NR2C2: variants seen among roughly 807,000 people sequenced by gnomAD.
NR2C2 encodes nuclear receptor subfamily 2 group C member 2.
Under a neutral mutation model 62.9 loss-of-function variants are expected in NR2C2, and 6 were observed. The observed-to-expected ratio is 0.10, with a 90% CI of 0.05 to 0.19. The LOEUF is 0.19. Ranked by LOEUF, NR2C2 falls within the 10% of genes least tolerant of loss-of-function variation. NR2C2 has a pLI of 1.00. For missense variants in NR2C2, 479 were observed against 762.7 expected (o/e 0.63, Z 4.38); for synonymous variants, 272 against 273.8 (o/e 0.99, Z 0.07).
At chr3:14,984,917 A>G (rs757696082) in intron 1 of NR2C2, among the ~76,000 whole-genome samples, 4 of 151,958 alleles carry the variant, frequency 2.6e-5, no homozygotes, top group Admixed American at 6.6e-5. Context: ...GGAGAGTTCT[A>G]GTTGCCCTAC....
At chr3:14,993,860 T>A (rs1198194847) in intron 1 of NR2C2, among the ~76,000 whole-genome samples, 1 of 152,176 alleles carries the variant, frequency 6.6e-6, no homozygotes, top group Non-Finnish European at 1.5e-5. Context: ...TGCAGATGTA[T>A]CCCTGAACAG....
chr3:14,953,881 C>T (rs533753651), intron 1 of NR2C2, among the ~76,000 whole-genome samples: 4 of 139,144 alleles, frequency 2.9e-5, no homozygotes, highest in African/African-American at 5.7e-5. Context: ...GGCGACAGTG[C>T]GAGACTTCAT....
chr3:14,970,327 G>A (rs556584899), intron 1 of NR2C2, among the ~76,000 whole-genome samples: 129 of 152,022 alleles, frequency 8.5e-4, no homozygotes, highest in African/African-American at 3.0e-3. Flanking sequence ...TTTTAATTGC[G>A]GTAAAATATA....
chr3:14,980,087 T>C (rs62241838), intron 1 of NR2C2, among the ~76,000 whole-genome samples: 10,962 of 152,108 alleles, frequency 0.072, 435 homozygotes, highest in Middle Eastern at 0.099. Flanking sequence ...CTACGTGAAC[T>C]CTGGCTTCCT....
intron 1 of NR2C2, among the ~76,000 whole-genome samples, chr3:14,957,047 A>G (rs867298054): frequency 1.3e-5 from 2 of 152,252 alleles, no homozygotes; most frequent in African/African-American, 4.8e-5. Context: ...CAACGTATAC[A>G]CATTTAAGAT....
rs905191878 is a variant in NR2C2 at position 15,037,209 on chromosome 3, T to G, written c.1373-791T>G. Among the ~76,000 whole-genome samples, 12 of 130,298 alleles carry G rather than the reference T, an allele frequency of 9.2e-5. No individual in the cohort carries two copies. The South Asian group carries it at 1.6e-3, about 18-fold the overall frequency. The allele number at this position is 130,298 out of a possible 152,430, so 85.5% of individuals were successfully genotyped here. A position where few individuals can be genotyped will look rare whatever the true frequency, so the allele number is the denominator to read the frequency against. ...TTTTTGTTGTGTTATTGTTTTTTGT[T>G]TGTGTGTGTGTGTGTGTGTGTGTGT... is the stretch of plus-strand genomic sequence containing the variant. On this transcript the variant is annotated intron_variant, in intron 11 of 13. Transcript: ENST00000425241.
In NR2C2 at chr3:15,030,351, A is replaced by C; in HGVS notation, c.1009A>C (p.Thr337Pro). ...TCCAAGCTTGGCAGATGGGATAGAC[A>C]CCAGTGGAGGAGGGAGCATCCACGT... Reference protein sequence around the residue: ...SSPSLADGIDTSGGGSIHVIS... With the variant: ...SSPSLADGIDPSGGGSIHVIS... The change falls in exon 9 of 14, where the codon ACC (threonine) becomes CCC (proline). Residue 337 changes from threonine (T) to proline (P), a missense_variant. Physicochemically the swap from Thr to Pro is conservative, Grantham distance 38. Transcript: ENST00000425241. 1 of 1,613,512 alleles carries C rather than the reference A, an allele frequency of 6.2e-7. No homozygotes were observed. Among genetic ancestry groups the C allele is most frequent in the Non-Finnish European group, 8.5e-7 (1 of 1,179,840 alleles).
chr3:15,043,150 C>T lies in NR2C2; in HGVS notation c.*142C>T. The T allele has an allele frequency of 3.1e-6, 2 of 638,154 alleles. No individual in the cohort carries two copies. Among genetic ancestry groups the T allele is most frequent in the East Asian group, 6.5e-5 (2 of 30,916 alleles). The allele number at this position is 638,154 out of a possible 1,614,324, so 39.5% of individuals were successfully genotyped here. Reference sequence around the variant, plus strand: ...CTGGTTTCTCCTTATCTGTTAATCCCAGACAATAGCAATTAAAAGACTAGT... The same window carrying T: ...CTGGTTTCTCCTTATCTGTTAATCCTAGACAATAGCAATTAAAAGACTAGT... On this transcript the variant is annotated 3_prime_UTR_variant, in exon 14 of 14. Coordinates refer to ENST00000425241, the MANE Select transcript of NR2C2 (RefSeq NM_001291694.2).
At chr3:15,017,712 A>G (rs941643945) in intron 4 of NR2C2, among the ~76,000 whole-genome samples, 35 of 152,362 alleles carry the variant, frequency 2.3e-4, no homozygotes, top group Admixed American at 2.2e-3. Context: ...AAACAATATT[A>G]TAGAAGGCAC....
Position 15,044,417 on chromosome 3 carries a change from A to C in NR2C2, c.*1409A>C, listed in dbSNP as rs1272191783. ...TTCCAGGGTGATAGTCTTTCTCCTCATAAATTGTAGCAACCAGAGTTTACA... is the reference window on the plus strand; with the variant it reads ...TTCCAGGGTGATAGTCTTTCTCCTCCTAAATTGTAGCAACCAGAGTTTACA... On this transcript the variant is annotated 3_prime_UTR_variant, in exon 14 of 14. Coordinates refer to ENST00000425241, the MANE Select transcript of NR2C2 (RefSeq NM_001291694.2). 6.6e-6 allele frequency: 1 copy of C among 152,130 alleles called. No homozygotes were observed. The highest frequency in any genetic ancestry group is 6.5e-5 in the Admixed American group (1 of 15,274). 9.4% of individuals were successfully genotyped at this position (152,130 alleles called of 1,614,324 possible).
chr3:14,968,214 G>A (rs898031148), intron 1 of NR2C2, among the ~76,000 whole-genome samples: 4 of 152,214 alleles, frequency 2.6e-5, no homozygotes, highest in Admixed American at 2.6e-4. Context: ...CTACAAAATG[G>A]GAGAAAATTT....
chr3:15,003,748 G>A (rs1252707606), intron 1 of NR2C2, 128 bp from the exon 2 acceptor site: 3 of 582,208 alleles, frequency 5.2e-6, no homozygotes, highest in Admixed American at 6.4e-5. Context: ...CATCCTTCTG[G>A]GTCCATACCT....
At chr3:14,966,230 G>C (rs537196660) in intron 1 of NR2C2, among the ~76,000 whole-genome samples, 4 of 152,288 alleles carry the variant, frequency 2.6e-5, no homozygotes, top group African/African-American at 7.2e-5. Context: ...CCTTCCCATA[G>C]GCCAGGGAGG....
chr3:14,973,173 A>G (rs1574946800), intron 1 of NR2C2, among the ~76,000 whole-genome samples: 1 of 152,166 alleles, frequency 6.6e-6, no homozygotes, highest in East Asian at 1.9e-4. Flanking sequence ...TGTTGCTTGT[A>G]CTTTTAGTGT....
intron 5 of NR2C2, among the ~76,000 whole-genome samples, chr3:15,022,074 G>A (rs1306781453): frequency 6.6e-6 from 1 of 152,244 alleles, no homozygotes; most frequent in Non-Finnish European, 1.5e-5. Context: ...TGTGAACACA[G>A]CTGTAGCTGC....
At chr3:14,963,638 T>C (rs1181245823) in intron 1 of NR2C2, among the ~76,000 whole-genome samples, 5 of 151,982 alleles carry the variant, frequency 3.3e-5, no homozygotes, top group African/African-American at 2.4e-5. Context: ...GCCCGGCTAA[T>C]TTTTTGTATT....
chr3:15,029,210 G>A (rs1012743335), intron 8 of NR2C2, among the ~76,000 whole-genome samples: 1 of 151,194 alleles, frequency 6.6e-6, no homozygotes, highest in Non-Finnish European at 1.5e-5. Context: ...ATCCCAAAGT[G>A]CTGGGTTTAC....
At chr3:14,980,534 T>C (rs2040336571) in intron 1 of NR2C2, among the ~76,000 whole-genome samples, 1 of 150,754 alleles carries the variant, frequency 6.6e-6, no homozygotes, top group Admixed American at 6.7e-5. Flanking sequence ...TTCTGAAAAG[T>C]CTCGTACTTC....
rs535856705 is a variant in NR2C2, at chr3:14,984,122, A to G, written c.-39-19754A>G. ...AGGCTGGTCTCGAACTCCCGACCTC[A>G]GGTGATCCACCTGCCTCAGCCTCCC... On this transcript the variant is annotated intron_variant, in intron 1 of 13. Transcript: ENST00000425241. Among the ~76,000 whole-genome samples, 133 of 152,230 alleles carry G rather than the reference A, an allele frequency of 8.7e-4. 2 individuals carry two copies. Among genetic ancestry groups the G allele is most frequent in the African/African-American group, 3.1e-3 (129 of 41,548 alleles).
Sources: gnomAD v4.1 joint callset for allele counts (sites outside exome capture counted in the v4.1 genomes callset) on GRCh38, gnomAD v4.1.1 for gene constraint, MANE v1.5 for transcripts, NCBI Gene and HGNC (gene_info 2026-07-23, HGNC 2026-07-21) for gene names.